The following ANKRD12 variants were observed in gnomAD, a reference collection of about 807,000 sequenced individuals.
The protein encoded by ANKRD12 is ankyrin repeat domain-containing protein 12.
ANKRD12 carries 85 observed loss-of-function variants against 183.4 expected under a neutral mutation model. That is an observed-to-expected ratio of 0.46 (90% CI 0.39 to 0.56). The LOEUF (loss-of-function observed/expected upper bound fraction) is 0.56, where lower values mean the gene tolerates loss of function less well. ANKRD12 is among the 20% of genes least tolerant of loss of function. The probability of loss-of-function intolerance (pLI) is 0.00; values close to 1 mark genes in which losing one functional copy is unlikely to be tolerated. For synonymous variants in ANKRD12, 914 were observed against 800.2 expected (o/e 1.14, Z -2.40); for missense variants, 2,405 against 2,357.1 (o/e 1.02, Z -0.42).
Position 9,257,155 on chromosome 18 carries a change from AATT to A in ANKRD12, c.3891_3893del (p.Ile1298del). The stretch of plus-strand genomic sequence containing the variant: ...CATCTTCTGTAGAAGATGTTAAACT[AATT>A]ATAAGCGAGGGGAGACCTACCATAG... On this transcript the variant is annotated inframe_deletion, in exon 9 of 13. Transcript: ENST00000262126. The A allele has an allele frequency of 6.2e-7, 1 of 1,614,180 alleles. No homozygotes were observed. Among genetic ancestry groups the A allele is most frequent in the Non-Finnish European group, 8.5e-7 (1 of 1,180,000 alleles).
At chr18:9,225,704 A>G (rs2036665454) in intron 8 of ANKRD12, among the ~76,000 whole-genome samples, 1 of 152,184 alleles carries the variant, frequency 6.6e-6, no homozygotes, top group African/African-American at 2.4e-5. Flanking sequence ...CGAAATCCAA[A>G]TATGATTCCA....
intron 11 of ANKRD12, 65 bp from the exon 12 acceptor site, chr18:9,279,484 C>A: frequency 1.1e-6 from 1 of 934,186 alleles, no homozygotes; most frequent in Non-Finnish European, 1.7e-6. Context: ...CATAAAAATA[C>A]TATAATGGCA....
Position 9,254,387 on chromosome 18 carries a change from A to G in ANKRD12, c.1120A>G (p.Met374Val), listed in dbSNP as rs1166621095. The part of the protein sequence containing the change: ...KDDDDEEINK[M>V]IDDRHILRKE... ...TGATGATGATGAAGAAATTAATAAG[A>G]TGATTGATGATAGGCATATTCTTAG... Residue 374 changes from methionine (M) to valine (V), a missense_variant, in exon 9 of 13, where the codon ATG (methionine) becomes GTG (valine). This residue lies in a region of ANKRD12 where 1,983 missense variants were observed against 1,725.9 expected (regional missense o/e 1.15). Transcript: ENST00000262126. The G allele has an allele frequency of 1.2e-6, 2 of 1,608,110 alleles. No homozygotes were observed. Among genetic ancestry groups the G allele is most frequent in the African/African-American group, 1.3e-5 (1 of 74,744 alleles).
chr18:9,146,768 A>C (rs1253399676), intron 1 of ANKRD12, among the ~76,000 whole-genome samples: 1 of 152,196 alleles, frequency 6.6e-6, no homozygotes, highest in Non-Finnish European at 1.5e-5. Context: ...TGCTACATTA[A>C]ACCAGTTTAA....
Position 9,257,597 on chromosome 18 carries a change from C to A in ANKRD12, c.4330C>A (p.Gln1444Lys). Reference sequence around the variant, plus strand: ...CTGCCCAAATTCTAACATACCTGATCAAGAATCCTCTCTTCAGAGTTTTTG... The same window carrying A: ...CTGCCCAAATTCTAACATACCTGATAAAGAATCCTCTCTTCAGAGTTTTTG... ...FICPNSNIPDQESSLQSFCNS... is the reference protein window; with the variant it reads ...FICPNSNIPDKESSLQSFCNS... Residue 1444 changes from glutamine (Q) to lysine (K), a missense_variant, in exon 9 of 13, where the codon CAA becomes AAA. This residue lies in a region of ANKRD12 where 1,983 missense variants were observed against 1,725.9 expected (regional missense o/e 1.15). Transcript: ENST00000262126. The A allele has an allele frequency of 6.2e-7, 1 of 1,614,030 alleles. No individual in the cohort carries two copies. The highest frequency in any genetic ancestry group is 1.1e-5 in the South Asian group (1 of 91,084).
rs539467270 is a variant in ANKRD12, at chr18:9,256,933, C to A, written c.3666C>A (p.Thr1222=). The part of the protein sequence containing the change: ...SEDSCHTTVT[T]PRPPVEYDSD... ...ATTCCTGCCATACTACAGTGACAACCCCAAGGCCTCCAGTTGAGTATGACT... is the reference window on the plus strand; with the variant it reads ...ATTCCTGCCATACTACAGTGACAACACCAAGGCCTCCAGTTGAGTATGACT... Residue 1222 remains threonine, a synonymous_variant, in exon 9 of 13, where the codon ACC becomes ACA. Transcript: ENST00000262126. 1 of 1,614,046 alleles carries A rather than the reference C, an allele frequency of 6.2e-7. No homozygotes were observed.
rs2038651063 is a variant in ANKRD12 at position 9,256,727 on chromosome 18, A to G, written c.3460A>G (p.Lys1154Glu). ...AGTGACTGATGCATATACCAAGGAG[A>G]AACAACCTAAAGATGCTGTAAGTAA... ...SEVTDAYTKE[K>E]QPKDAVSNRS... The change falls in exon 9 of 13, where the codon AAA (lysine) becomes GAA (glutamate). Residue 1154 changes from lysine to glutamate, a missense_variant. Physicochemically the swap from Lys to Glu is moderately conservative, Grantham distance 56 (BLOSUM62 1). Around this residue, in one of 7 missense-constraint regions of ANKRD12, gnomAD observed 1,983 missense variants for 1,725.9 expected, o/e 1.15. Coordinates refer to ENST00000262126, the MANE Select transcript of ANKRD12 (RefSeq NM_015208.5). The G allele has an allele frequency of 1.2e-6, 2 of 1,612,160 alleles. No homozygotes were observed. The highest frequency in any genetic ancestry group is 1.7e-6 in the Non-Finnish European group (2 of 1,179,454).
rs2040186153 is a variant in ANKRD12, at chr18:9,284,827, A to G, written c.*3701A>G. On this transcript the variant is annotated 3_prime_UTR_variant, in exon 13 of 13. Coordinates refer to ENST00000262126, the MANE Select transcript of ANKRD12 (RefSeq NM_015208.5). Reference sequence around the variant, plus strand: ...AAAATAGCAAAAAGTACAACTAAAAAAATGGTTGGGTTTTCCCAGTGGTTA... The same window carrying G: ...AAAATAGCAAAAAGTACAACTAAAAGAATGGTTGGGTTTTCCCAGTGGTTA... 6.6e-6 allele frequency: 1 copy of G among 152,236 alleles called. No homozygotes were observed. Among genetic ancestry groups the G allele is most frequent in the South Asian group, 2.1e-4 (1 of 4,838 alleles). 9.4% of individuals were successfully genotyped at this position (152,236 alleles called of 1,614,324 possible).
At chr18:9,239,708 A>G (rs1292627342) in intron 8 of ANKRD12, among the ~76,000 whole-genome samples, 1 of 152,262 alleles carries the variant, frequency 6.6e-6, no homozygotes, top group Non-Finnish European at 1.5e-5. Context: ...ATAATCATGT[A>G]ACTGCCCATA....
chr18:9,276,543 G>A (rs181963484), intron 11 of ANKRD12, among the ~76,000 whole-genome samples: 6 of 152,068 alleles, frequency 3.9e-5, no homozygotes, highest in South Asian at 2.1e-4. Context: ...GTGAAACCCC[G>A]TCTTTACAAA....
At chr18:9,273,081 C>T (rs971171965) in intron 10 of ANKRD12, among the ~76,000 whole-genome samples, 4 of 152,150 alleles carry the variant, frequency 2.6e-5, no homozygotes, top group Non-Finnish European at 5.9e-5. Flanking sequence ...TTCCTGGACT[C>T]GCTTTACTTC....
In ANKRD12 at chr18:9,256,616, G is replaced by A. The variant is rs769458052; in HGVS notation, c.3349G>A (p.Glu1117Lys). The A allele has an allele frequency of 3.7e-6, 6 of 1,603,884 alleles. No individual in the cohort carries two copies. The Admixed American group carries it at 8.7e-5, about 23-fold the overall frequency. The part of the protein sequence containing the change: ...KERLRNRNCL[E>K]LKIKDKEKTK... ...ACGGTTGAGAAACCGAAACTGTTTA[G>A]AACTTAAAATAAAAGATAAAGAAAA... The change falls in exon 9 of 13, where the codon GAA becomes AAA. Residue 1117 changes from glutamate to lysine, a missense_variant. Transcript: ENST00000262126.
chr18:9,245,242 G>A (rs2037889531), intron 8 of ANKRD12, among the ~76,000 whole-genome samples: 1 of 151,462 alleles, frequency 6.6e-6, no homozygotes, highest in South Asian at 2.1e-4. Context: ...TTGAGCCCAG[G>A]AGTTCGAGAG....
chr18:9,210,887 A>C (rs1010907314), intron 5 of ANKRD12, among the ~76,000 whole-genome samples: 10 of 151,894 alleles, frequency 6.6e-5, no homozygotes, highest in African/African-American at 2.2e-4. Flanking sequence ...TATAGTTGTA[A>C]ATTTTCAGAA....
intron 8 of ANKRD12, among the ~76,000 whole-genome samples, chr18:9,232,107 A>T (rs2037087897): frequency 6.6e-6 from 1 of 151,900 alleles, no homozygotes; most frequent in African/African-American, 2.4e-5. Context: ...TATTTTGTGT[A>T]TTATTCTTTG....
chr18:9,137,595 C>G (rs1038722449), intron 1 of ANKRD12: 1 of 151,568 alleles, frequency 6.6e-6, no homozygotes, highest in Non-Finnish European at 1.5e-5. Context: ...CGGAGGTACC[C>G]GGGTCCTGGG....
At chr18:9,223,187 T>C (rs2036516892) in intron 8 of ANKRD12, among the ~76,000 whole-genome samples, 1 of 151,794 alleles carries the variant, frequency 6.6e-6, no homozygotes, top group African/African-American at 2.4e-5. Context: ...GGGAGGCCAA[T>C]GTGGGCCAGA....
chr18:9,216,037 A>G (rs996870848), intron 6 of ANKRD12, among the ~76,000 whole-genome samples: 6 of 147,872 alleles, frequency 4.1e-5, no homozygotes, highest in African/African-American at 1.2e-4. Context: ...TTTTTTAAAC[A>G]CCAATCCTTG....
Position 9,204,511 on chromosome 18 carries a change from G to A in ANKRD12, c.271G>A (p.Glu91Lys). 1 of 1,603,224 alleles carries A rather than the reference G, an allele frequency of 6.2e-7. No homozygotes were observed. The highest frequency in any genetic ancestry group is 1.1e-5 in the South Asian group (1 of 89,822). Reference protein sequence around the residue: ...DPGHTSENWGERLISSYRTYS... With the variant: ...DPGHTSENWGKRLISSYRTYS... ...AGGACATACAAGTGAAAATTGGGGG[G>A]AGAGACTTATATCTTCTTACAGGAC... Residue 91 changes from glutamate to lysine, a missense_variant, in exon 4 of 13, where the codon GAG becomes AAG. This residue lies in a region of ANKRD12 where 145 missense variants were observed against 145.6 expected (regional missense o/e 1.00). Coordinates refer to ENST00000262126, the MANE Select transcript of ANKRD12 (RefSeq NM_015208.5).
Sources: allele counts gnomAD v4.1 joint callset (sites outside exome capture counted in the v4.1 genomes callset), GRCh38; gene constraint gnomAD v4.1.1; regional missense constraint gnomAD v4.1.1; transcripts MANE v1.5; gene names NCBI Gene and HGNC (gene_info 2026-07-23, HGNC 2026-07-21).